The following KSR2 variants were observed in gnomAD, a reference collection of about 807,000 sequenced individuals.
KSR2 encodes the protein kinase suppressor of ras 2.
KSR2 carries 25 observed loss-of-function variants against 107.8 expected under a neutral mutation model. The ratio of observed to expected loss-of-function variants is 0.23; its 90% confidence interval spans 0.17 to 0.32. KSR2 has a LOEUF of 0.32. Ranked by LOEUF, KSR2 falls within the 10% of genes least tolerant of loss-of-function variation. The pLI is 1.00. For missense variants in KSR2, 887 were observed against 1,268.9 expected (o/e 0.70, Z 4.57); for synonymous variants, 480 against 507.0 (o/e 0.95, Z 0.71).
intron 1 of KSR2, among the ~76,000 whole-genome samples, chr12:117,883,412 C>G (rs1024290273): frequency 6.6e-6 from 1 of 152,146 alleles, no homozygotes; most frequent in Non-Finnish European, 1.5e-5. Flanking sequence ...AAGTGTCAAC[C>G]ATTGGGCTAA....
chr12:117,894,506 A>G (rs915254017), intron 1 of KSR2, among the ~76,000 whole-genome samples: 2 of 152,110 alleles, frequency 1.3e-5, no homozygotes, highest in Non-Finnish European at 2.9e-5. Context: ...CCCTAAAAAA[A>G]AATTAATAAA....
chr12:117,793,895 CCAA>C (rs1308619620), intron 3 of KSR2, among the ~76,000 whole-genome samples: 2 of 145,826 alleles, frequency 1.4e-5, no homozygotes, highest in South Asian at 2.2e-4. Flanking sequence ...CATGCACACA[CCAA>C]CATGCACACT....
At chr12:117,768,606 G>A (rs983916488) in intron 3 of KSR2, among the ~76,000 whole-genome samples, 6 of 152,154 alleles carry the variant, frequency 3.9e-5, no homozygotes, top group South Asian at 4.1e-4. Context: ...GACAGGGCCC[G>A]GCAGCAGCAG....
At chr12:117,738,374 ACAT>A (rs1213897077) in intron 4 of KSR2, among the ~76,000 whole-genome samples, 1 of 152,210 alleles carries the variant, frequency 6.6e-6, no homozygotes, top group Non-Finnish European at 1.5e-5. Context: ...GCTGTGCAAA[ACAT>A]CATAGAGTGT....
intron 1 of KSR2, among the ~76,000 whole-genome samples, chr12:117,961,077 G>C (rs904684271): frequency 3.3e-5 from 5 of 152,152 alleles, no homozygotes; most frequent in Non-Finnish European, 5.9e-5. Flanking sequence ...AGGATTACAG[G>C]TGTGACCCAC....
At chr12:117,764,258 GA>G (rs1052839361) in intron 3 of KSR2, among the ~76,000 whole-genome samples, 2 of 148,836 alleles carry the variant, frequency 1.3e-5, no homozygotes, top group Admixed American at 6.7e-5. Flanking sequence ...TTTTTTTAAG[GA>G]AAAAAAAATT....
intron 14 of KSR2, among the ~76,000 whole-genome samples, chr12:117,522,607 A>G (rs1018890005): frequency 1.3e-5 from 2 of 152,232 alleles, no homozygotes; most frequent in Non-Finnish European, 2.9e-5. Flanking sequence ...GGGACATTGC[A>G]GATCTTCCCA....
intron 4 of KSR2, chr12:117,674,226 C>T (rs1372540427): frequency 2.1e-6 from 1 of 474,976 alleles, no homozygotes; most frequent in African/African-American, 2.0e-5. Context: ...TGAATGAGTT[C>T]ATTACTCTCC....
At chr12:117,758,590 C>T (rs1025639691) in intron 4 of KSR2, among the ~76,000 whole-genome samples, 3 of 152,276 alleles carry the variant, frequency 2.0e-5, no homozygotes, top group African/African-American at 7.2e-5. Context: ...CAAAGCTTAA[C>T]GCCACCTGAG....
chr12:117,671,895 T>C (rs1884920997), intron 4 of KSR2, among the ~76,000 whole-genome samples: 1 of 147,368 alleles, frequency 6.8e-6, no homozygotes, highest in Non-Finnish European at 1.5e-5. Context: ...GGAAGGAGAG[T>C]TCAGAAAAGT....
chr12:117,601,759 T>C (rs1263036741), intron 5 of KSR2, among the ~76,000 whole-genome samples: 1 of 152,196 alleles, frequency 6.6e-6, no homozygotes, highest in Non-Finnish European at 1.5e-5. Flanking sequence ...AATTTTGGCA[T>C]TAGCCCTAGG....
intron 3 of KSR2, among the ~76,000 whole-genome samples, chr12:117,793,546 C>T (rs1890382541): frequency 6.9e-6 from 1 of 145,590 alleles, no homozygotes; most frequent in African/African-American, 2.6e-5. Flanking sequence ...CTCACGCCAA[C>T]ATGCACACTC....
chr12:117,468,982 C>A (rs1199406198), intron 19 of KSR2, among the ~76,000 whole-genome samples: 2 of 152,158 alleles, frequency 1.3e-5, no homozygotes, highest in Non-Finnish European at 2.9e-5. Context: ...ACTGGCAGAG[C>A]CATGGGGAGC....
intron 1 of KSR2, among the ~76,000 whole-genome samples, chr12:117,924,007 T>C (rs965073126): frequency 1.3e-5 from 2 of 150,838 alleles, no homozygotes; most frequent in Non-Finnish European, 2.9e-5. Flanking sequence ...GCCTCCCGAG[T>C]AGCTGGGATT....
rs1593132617 is a variant in KSR2 at position 117,689,017 on chromosome 12, T to A, written c.987-21359A>T. Among the ~76,000 whole-genome samples the A allele has an allele frequency of 2.0e-5, 3 of 152,200 alleles. No individual in the cohort carries two copies. In the South Asian group the frequency reaches 6.2e-4, roughly 31 times the overall value. ...TCACACATATAGTCAAATTTGGAAG[T>A]TCCTCCAACCCCCTTACTCTCACTG... On this transcript the variant is annotated intron_variant, in intron 4 of 19. Coordinates refer to ENST00000339824, the MANE Select transcript of KSR2 (RefSeq NM_173598.6).
At chr12:117,639,817 C>A (rs1013487841) in intron 5 of KSR2, among the ~76,000 whole-genome samples, 3 of 151,990 alleles carry the variant, frequency 2.0e-5, no homozygotes, top group African/African-American at 7.3e-5. Context: ...GCATTTCCCA[C>A]CACAAACTCC....
At position 117,464,562 on chromosome 12, in the gene KSR2, G is replaced by C. The variant is rs1431359432; in HGVS notation, c.*2637C>G. 1 of 152,210 alleles carries C rather than the reference G, an allele frequency of 6.6e-6. No individual in the cohort carries two copies. Among genetic ancestry groups the C allele is most frequent in the African/African-American group, 2.4e-5 (1 of 41,434 alleles). 9.4% of individuals were successfully genotyped at this position (152,210 alleles called of 1,614,324 possible). On this transcript the variant is annotated 3_prime_UTR_variant, in exon 20 of 20. Coordinates refer to ENST00000339824, the MANE Select transcript of KSR2 (RefSeq NM_173598.6). ...CAGCGAATAAAGATGGAAGCCAGCA[G>C]GGAAAGCAGCGGTTTGGTTCTTCCT...
intron 1 of KSR2, among the ~76,000 whole-genome samples, chr12:117,939,911 A>G (rs571088678): frequency 7.6e-4 from 114 of 150,604 alleles, no homozygotes; most frequent in African/African-American, 2.7e-3. Context: ...ACTGCACTCC[A>G]GCCTGGGCGA....
intron 4 of KSR2, among the ~76,000 whole-genome samples, chr12:117,703,353 A>G (rs1170059238): frequency 6.6e-6 from 1 of 152,144 alleles, no homozygotes; most frequent in East Asian, 1.9e-4. Flanking sequence ...TAGGATACTA[A>G]ATTTAAGTTG....
Sources: allele counts gnomAD v4.1 joint callset (sites outside exome capture counted in the v4.1 genomes callset), GRCh38; gene constraint gnomAD v4.1.1; transcripts MANE v1.5; gene names NCBI Gene and HGNC (gene_info 2026-07-23, HGNC 2026-07-21).